The following UCMA variants were observed in gnomAD, a reference collection of about 807,000 sequenced individuals.
UCMA encodes the protein upper zone of growth plate and cartilage matrix-associated protein.
A neutral mutation model predicts 21.8 loss-of-function variants in UCMA; 21 were observed. The observed-to-expected ratio is 0.97, with a 90% CI of 0.68 to 1.39. The LOEUF is 1.39. Ranked by LOEUF, UCMA falls within the 40% of genes most tolerant of loss-of-function variation. The pLI is 0.00. For missense variants in UCMA, 193 were observed against 178.9 expected (o/e 1.08, Z -0.45); for synonymous variants, 76 against 67.9 (o/e 1.12, Z -0.58).
chr10:13,233,832 G>A, intron 1 of UCMA, 32 bp from the exon 2 acceptor site: 1 of 1,612,612 alleles, frequency 6.2e-7, no homozygotes, highest in African/African-American at 1.3e-5. Flanking sequence ...TGAGGCTGCA[G>A]CATCAGAGGG....
At chr10:13,226,783 T>A (rs1245564947) in intron 4 of UCMA, among the ~76,000 whole-genome samples, 10 of 152,180 alleles carry the variant, frequency 6.6e-5, no homozygotes, top group Non-Finnish European at 2.9e-5. Flanking sequence ...TTTCTCCATC[T>A]GTGTGGGTGA....
chr10:13,225,441 G>A (rs1328804220), intron 4 of UCMA, among the ~76,000 whole-genome samples: 1 of 152,092 alleles, frequency 6.6e-6, no homozygotes, highest in Non-Finnish European at 1.5e-5. Context: ...GTGGGAGGCC[G>A]AGGTGGGCAG....
chr10:13,223,087 A>G (rs1345739960), intron 4 of UCMA, among the ~76,000 whole-genome samples: 2 of 151,986 alleles, frequency 1.3e-5, no homozygotes, highest in Non-Finnish European at 2.9e-5. Flanking sequence ...TTAGCCAGGC[A>G]TGGTGACACA....
intron 4 of UCMA, among the ~76,000 whole-genome samples, chr10:13,223,395 T>A (rs541815006): frequency 4.6e-5 from 7 of 152,040 alleles, no homozygotes; most frequent in Non-Finnish European, 7.4e-5. Context: ...ATAAACAAAA[T>A]GTGGTGTGTA....
intron 1 of UCMA, 128 bp from the exon 2 acceptor site, chr10:13,233,928 C>T (rs187648702): frequency 5.1e-4 from 608 of 1,198,778 alleles, no homozygotes; most frequent in Non-Finnish European, 6.4e-4. Context: ...TGGTTTCTCA[C>T]GTACCAGCTG....
intron 4 of UCMA, among the ~76,000 whole-genome samples, chr10:13,227,331 C>A (rs932760514): frequency 2.0e-5 from 3 of 152,218 alleles, no homozygotes; most frequent in African/African-American, 7.2e-5. Flanking sequence ...GCGACCTAAA[C>A]TGGGGCCTCA....
intron 4 of UCMA, among the ~76,000 whole-genome samples, 198 bp downstream of exon 4, chr10:13,229,413 G>A (rs893103995): frequency 1.3e-5 from 2 of 152,026 alleles, no homozygotes; most frequent in African/African-American, 4.8e-5. Context: ...GGTTGAGGCA[G>A]GAGAATCGCT....
At chr10:13,227,657 C>T (rs985809342) in intron 4 of UCMA, among the ~76,000 whole-genome samples, 3 of 133,756 alleles carry the variant, frequency 2.2e-5, no homozygotes, top group Admixed American at 8.8e-5. Flanking sequence ...CGGGAGGTTG[C>T]GGTGAGCTGA....
At chr10:13,229,373 A>AG (rs2131605664) in intron 4 of UCMA, among the ~76,000 whole-genome samples, 1 of 151,964 alleles carries the variant, frequency 6.6e-6, no homozygotes. Flanking sequence ...AAAATTAGCT[A>AG]GGGGCATCTG....
chr10:13,225,104 A>T (rs1451289121), intron 4 of UCMA, among the ~76,000 whole-genome samples: 1 of 151,954 alleles, frequency 6.6e-6, no homozygotes, highest in Non-Finnish European at 1.5e-5. Flanking sequence ...CTGTTGCCCA[A>T]GCAGAAGTGC....
In UCMA at chr10:13,229,441, G is replaced by A. The variant is rs574724355; in HGVS notation, c.319+170C>T. On this transcript the variant is annotated intron_variant, in intron 4 of 4. Transcript: ENST00000378681. ...GAATCGCTTGAACTTGGGAGGTGGA[G>A]GTTGCAGTGAGCCAAGATCACACCA... Among the ~76,000 whole-genome samples the A allele has an allele frequency of 1.5e-4, 23 of 151,992 alleles. No homozygotes were observed. In the South Asian group the frequency reaches 4.8e-3, roughly 32 times the overall value.
rs745978260 is a variant in UCMA, at chr10:13,222,130, G to C, written c.390C>G (p.Ser130=). The change falls in exon 5 of 5, where the codon TCC becomes TCG. Residue 130 remains serine, a synonymous_variant. Transcript: ENST00000378681. The part of the protein sequence containing the change: ...RQWHYDGLHP[S]YLYNRHHT ...AGGTGTGGTGGCGGTTGTAGAGATA[G>C]GATGGGTGCAGGCCGTCATAGTGCC... is the stretch of plus-strand genomic sequence containing the variant. 6.2e-7 allele frequency: 1 copy of C among 1,614,168 alleles called. No homozygotes were observed. The highest frequency in any genetic ancestry group is 1.1e-5 in the South Asian group (1 of 91,066).
chr10:13,230,462 G>A (rs1351544355), intron 3 of UCMA, among the ~76,000 whole-genome samples: 1 of 152,152 alleles, frequency 6.6e-6, no homozygotes, highest in Non-Finnish European at 1.5e-5. Context: ...CTACTTTCAA[G>A]GTATTTCCCC....
At chr10:13,226,710 G>A (rs4750319) in intron 4 of UCMA, among the ~76,000 whole-genome samples, 38,148 of 151,990 alleles carry the variant, frequency 0.25, 5,159 homozygotes, top group African/African-American at 0.33. Context: ...CACTTACAGT[G>A]CCTGGCAGAG....
intron 4 of UCMA, 43 bp from the exon 5 acceptor site, chr10:13,222,243 C>G (rs771713286): frequency 1.9e-6 from 3 of 1,580,034 alleles, no homozygotes; most frequent in Admixed American, 3.5e-5. Flanking sequence ...CAGGGGGACT[C>G]TGACCTGCCA....
At chr10:13,232,102 G>A (rs192931834) in intron 3 of UCMA, among the ~76,000 whole-genome samples, 1 of 152,204 alleles carries the variant, frequency 6.6e-6, no homozygotes, top group Non-Finnish European at 1.5e-5. Flanking sequence ...GGCCATGCGC[G>A]GTGGCTCATG....
At chr10:13,225,396 C>T (rs1199845987) in intron 4 of UCMA, among the ~76,000 whole-genome samples, 8 of 10,158 alleles carry the variant, frequency 7.9e-4, no homozygotes, top group East Asian at 4.5e-3. Flanking sequence ...TGACTCGGGG[C>T]GGGGGCGGGG....
At chr10:13,227,761 C>CACACAT (rs1416025573) in intron 4 of UCMA, among the ~76,000 whole-genome samples, 1 of 146,236 alleles carries the variant, frequency 6.8e-6, no homozygotes, top group East Asian at 2.0e-4. Context: ...CACACACACA[C>CACACAT]ACACACACAC....
At position 13,226,007 on chromosome 10, in the gene UCMA, TC is replaced by T; in HGVS notation, c.319+3603del. Among the ~76,000 whole-genome samples, 2 of 152,200 alleles carry T rather than the reference TC, an allele frequency of 1.3e-5. 1 individual carries two copies. Among genetic ancestry groups the T allele is most frequent in the Non-Finnish European group, 2.9e-5 (2 of 67,998 alleles). On this transcript the variant is annotated intron_variant, in intron 4 of 4. Transcript: ENST00000378681. The stretch of plus-strand genomic sequence containing the variant: ...TGCTTTATCTTTCTCACTCACTCCA[TC>T]CGGGGGCCAATTCCTGGATCAAAGA...
Sources: allele counts gnomAD v4.1 joint callset (sites outside exome capture counted in the v4.1 genomes callset), GRCh38; gene constraint gnomAD v4.1.1; transcripts MANE v1.5; gene names NCBI Gene and HGNC (gene_info 2026-07-23, HGNC 2026-07-21).